The following IRAG1 variants were observed in gnomAD, a reference collection of about 807,000 sequenced individuals.
IRAG1 encodes IP3R-associated cGMP kinase substrate.
IRAG1 carries 62 observed loss-of-function variants against 106.2 expected under a neutral mutation model. The observed-to-expected ratio is 0.58, with a 90% CI of 0.48 to 0.72. The LOEUF is 0.72. Ranked by LOEUF, IRAG1 falls within the 30% of genes least tolerant of loss-of-function variation. IRAG1 has a pLI of 0.00. For missense variants in IRAG1, 1,064 were observed against 1,140.7 expected, an observed-to-expected ratio of 0.93 and a Z score of 0.97; for synonymous variants, 462 against 443.9, an observed-to-expected ratio of 1.04 and a Z score of -0.51.
chr11:10,621,943 C>CT (rs1186809459), intron 10 of IRAG1, among the ~76,000 whole-genome samples: 1 of 151,838 alleles, frequency 6.6e-6, no homozygotes, highest in Non-Finnish European at 1.5e-5. Context: ...TCACCAGGGG[C>CT]TGGGGAGGGA....
chr11:10,629,827 A>C, intron 4 of IRAG1, 116 bp from the exon 5 acceptor site: 1 of 1,105,422 alleles, frequency 9.0e-7, no homozygotes, highest in Non-Finnish European at 1.3e-6. Context: ...CAGCCAGCCA[A>C]ACCTCAGCCC....
intron 1 of IRAG1, among the ~76,000 whole-genome samples, chr11:10,692,490 C>T (rs781699864): frequency 6.6e-6 from 1 of 152,058 alleles, no homozygotes; most frequent in Non-Finnish European, 1.5e-5. Context: ...GGATGGGCAA[C>T]TCCACCTGCC....
intron 8 of IRAG1, among the ~76,000 whole-genome samples, chr11:10,627,377 GC>G (rs1190137928): frequency 6.6e-6 from 1 of 152,162 alleles, no homozygotes; most frequent in East Asian, 1.9e-4. Context: ...CCAGGCAGGG[GC>G]TGGCGCTTTC....
At chr11:10,688,444 A>C (rs1861823758) in intron 1 of IRAG1, among the ~76,000 whole-genome samples, 1 of 152,162 alleles carries the variant, frequency 6.6e-6, no homozygotes, top group African/African-American at 2.4e-5. Flanking sequence ...ATGAGCCAGG[A>C]AGCTTGGGCT....
At chr11:10,582,285 G>A (rs1296699211) in intron 18 of IRAG1, among the ~76,000 whole-genome samples, 4 of 152,148 alleles carry the variant, frequency 2.6e-5, no homozygotes, top group Non-Finnish European at 5.9e-5. Context: ...GCTGAGATGA[G>A]GAAAATGGGG....
chr11:10,618,579 A>G (rs1855602804), intron 10 of IRAG1, among the ~76,000 whole-genome samples: 1 of 152,212 alleles, frequency 6.6e-6, no homozygotes, highest in Admixed American at 6.5e-5. Context: ...TTTACAAAGG[A>G]GAAGGGATCC....
At chr11:10,584,937 G>A (rs1042158916) in intron 18 of IRAG1, among the ~76,000 whole-genome samples, 2 of 152,022 alleles carry the variant, frequency 1.3e-5, no homozygotes, top group South Asian at 2.1e-4. Flanking sequence ...AGCAATCTGA[G>A]CTACCTCCAA....
intron 10 of IRAG1, 57 bp downstream of exon 10, chr11:10,623,721 A>T: frequency 3.3e-6 from 5 of 1,511,006 alleles, no homozygotes; most frequent in Non-Finnish European, 4.6e-6. Flanking sequence ...ACCTTCCTTG[A>T]TCTGGCACAG....
intron 17 of IRAG1, among the ~76,000 whole-genome samples, chr11:10,592,137 G>T (rs1176367658): frequency 1.3e-5 from 2 of 152,106 alleles, no homozygotes; most frequent in Admixed American, 1.3e-4. Flanking sequence ...CAATGGATTT[G>T]GTTTAAGTAA....
intron 15 of IRAG1, among the ~76,000 whole-genome samples, chr11:10,594,966 G>GT (rs1313640455): frequency 5.3e-5 from 8 of 151,998 alleles, no homozygotes; most frequent in Non-Finnish European, 1.2e-4. Context: ...ACTCTGTCAC[G>GT]TAGGCTGGAG....
chr11:10,637,496 C>T (rs1399076868), intron 2 of IRAG1, among the ~76,000 whole-genome samples: 1 of 152,160 alleles, frequency 6.6e-6, no homozygotes, highest in Non-Finnish European at 1.5e-5. Flanking sequence ...GGCTTTATCC[C>T]TCCGTTCCTA....
intron 1 of IRAG1, among the ~76,000 whole-genome samples, chr11:10,690,067 C>CT (rs1327714984): frequency 6.6e-6 from 1 of 152,128 alleles, no homozygotes; most frequent in Non-Finnish European, 1.5e-5. Context: ...CCTTAGCAGA[C>CT]TTTTTTTACA....
At position 10,633,179 on chromosome 11, in the gene IRAG1, A is replaced by C. The variant is rs187910644; in HGVS notation, c.329+789T>G. ...AAGCTCCGCCTCCCGGGTTCACGCC[A>C]TTCTCCTGCCTCAGCCTCCCGAGTA... On this transcript the variant is annotated intron_variant, in intron 3 of 20. Transcript: ENST00000423302. 4.0e-3 allele frequency among the ~76,000 whole-genome samples: 588 copies of C among 145,658 alleles called. 3 individuals are homozygous for C. The highest frequency in any genetic ancestry group is 0.018 in the Middle Eastern group (5 of 274).
chr11:10,662,881 C>T (rs1859506430), intron 1 of IRAG1, among the ~76,000 whole-genome samples: 1 of 152,212 alleles, frequency 6.6e-6, no homozygotes, highest in African/African-American at 2.4e-5. Flanking sequence ...GGGAAATGTA[C>T]CTTATTTCAG....
At chr11:10,609,346 T>C (rs914250666) in intron 11 of IRAG1, among the ~76,000 whole-genome samples, 15 of 152,184 alleles carry the variant, frequency 9.9e-5, no homozygotes. Context: ...AGTTCAAGAT[T>C]ATCTTGGGCA....
chr11:10,586,478 C>T (rs532804960), intron 18 of IRAG1, among the ~76,000 whole-genome samples: 1 of 149,956 alleles, frequency 6.7e-6, no homozygotes, highest in African/African-American at 2.5e-5. Flanking sequence ...AGTGCAGTGG[C>T]ATGATCTGGG....
intron 1 of IRAG1, chr11:10,690,293 G>T: frequency 1.2e-6 from 1 of 801,722 alleles, no homozygotes; most frequent in Non-Finnish European, 1.8e-6. Flanking sequence ...GGGAGGCTGA[G>T]GCATGAGAAT....
At position 10,604,559 on chromosome 11, in the gene IRAG1, G is replaced by C; in HGVS notation, c.1603-14C>G. 1.2e-6 allele frequency: 2 copies of C among 1,613,998 alleles called. No homozygotes were observed. Among genetic ancestry groups the C allele is most frequent in the Non-Finnish European group, 1.7e-6 (2 of 1,179,864 alleles). On this transcript the variant is annotated splice_polypyrimidine_tract_variant and intron_variant, in intron 12 of 20. Transcript: ENST00000423302. ...CACAAACACGTTCTGTTGGGAACAA[G>C]GGTGTGAGAGAGGTGCTGGGAGGAG...
intron 1 of IRAG1, among the ~76,000 whole-genome samples, chr11:10,661,234 C>T (rs1261673765): frequency 6.6e-6 from 1 of 152,164 alleles, no homozygotes; most frequent in East Asian, 1.9e-4. Context: ...CCTTTGCATA[C>T]ATCCTCCTCC....
Sources: gnomAD v4.1 joint callset for allele counts (sites outside exome capture counted in the v4.1 genomes callset) on GRCh38, gnomAD v4.1.1 for gene constraint, MANE v1.5 for transcripts, NCBI Gene and HGNC (gene_info 2026-07-23, HGNC 2026-07-21) for gene names.